The following DTL variants were observed in gnomAD, a reference collection of about 807,000 sequenced individuals.
DTL encodes denticleless protein homolog.
A neutral mutation model predicts 87.0 loss-of-function variants in DTL; 46 were observed. The ratio of observed to expected loss-of-function variants is 0.53; its 90% CI spans 0.42 to 0.68. The LOEUF (loss-of-function observed/expected upper bound fraction) is 0.68, where lower values mean the gene tolerates loss of function less well. Ranked by LOEUF, DTL falls within the 30% of genes least tolerant of loss-of-function variation. DTL has a pLI of 0.00. For synonymous variants in DTL, 308 were observed against 311.2 expected, an observed-to-expected ratio of 0.99 and a Z score of 0.11; for missense variants, 737 against 869.4, an observed-to-expected ratio of 0.85 and a Z score of 1.91.
intron 13 of DTL, among the ~76,000 whole-genome samples, chr1:212,097,670 TG>T (rs1185148199): frequency 6.6e-6 from 1 of 152,250 alleles, no homozygotes; most frequent in Non-Finnish European, 1.5e-5. Context: ...CATCTTTCTC[TG>T]GTGCTTCCTT....
Position 212,068,224 on chromosome 1 carries a change from G to C in DTL, c.714G>C (p.Gly238=). 6.3e-7 allele frequency: 1 copy of C among 1,593,544 alleles called. No individual in the cohort carries two copies. Among genetic ancestry groups the C allele is most frequent in the African/African-American group, 1.4e-5 (1 of 73,978 alleles). Residue 238 remains glycine (G), a splice_region_variant and synonymous_variant, in exon 9 of 15, where the codon GGG becomes GGC. Coordinates refer to ENST00000366991, the MANE Select transcript of DTL (RefSeq NM_016448.4). ...AATATTTATTTGCCTTGGTTTTTAG[G>C]ATAATCAAAGTATGGGATTTACGTA... is the stretch of plus-strand genomic sequence containing the variant. ...NTLVSAGAVD[G]IIKVWDLRKN... is the part of the protein sequence containing the mutation.
At chr1:212,074,137 T>A (rs563493881) in intron 11 of DTL, among the ~76,000 whole-genome samples, 4 of 151,826 alleles carry the variant, frequency 2.6e-5, no homozygotes, top group South Asian at 4.1e-4. Context: ...TGTTAAATTA[T>A]TAAGTTTTAA....
intron 13 of DTL, among the ~76,000 whole-genome samples, chr1:212,088,745 A>G (rs1207756071): frequency 2.0e-5 from 3 of 152,238 alleles, no homozygotes; most frequent in Admixed American, 2.0e-4. Flanking sequence ...ATAGCAAAGT[A>G]CATGATAAGA....
At position 212,101,012 on chromosome 1, in the gene DTL, T is replaced by C. The variant is rs139446713; in HGVS notation, c.2022T>C (p.Asn674=). The C allele has an allele frequency of 3.1e-6, 5 of 1,613,898 alleles. No homozygotes were observed. In the African/African-American group the frequency reaches 6.7e-5, roughly 22 times the overall value. Residue 674 remains asparagine, a synonymous_variant, in exon 14 of 15, where the codon AAT becomes AAC. Coordinates refer to ENST00000366991, the MANE Select transcript of DTL (RefSeq NM_016448.4). The part of the protein sequence containing the change: ...LAMAAKRKAE[N]PSPRSPSSQT... Reference sequence around the variant, plus strand: ...TGGCAGCCAAACGGAAGGCTGAGAATCCATCTCCACGAAGTCCGTCATCCC... The same window carrying C: ...TGGCAGCCAAACGGAAGGCTGAGAACCCATCTCCACGAAGTCCGTCATCCC...
chr1:212,078,463 G>C (rs185337908), intron 12 of DTL, among the ~76,000 whole-genome samples: 46 of 152,168 alleles, frequency 3.0e-4, no homozygotes, highest in African/African-American at 8.7e-4. Context: ...ATTATGCCCT[G>C]TGAAATAAGG....
chr1:212,079,042 C>A (rs955987546), intron 12 of DTL, among the ~76,000 whole-genome samples: 1 of 152,022 alleles, frequency 6.6e-6, no homozygotes, highest in Admixed American at 6.6e-5. Flanking sequence ...TTTTTATCTT[C>A]CAGAAACTTC....
intron 10 of DTL, among the ~76,000 whole-genome samples, chr1:212,070,665 ATTAC>A (rs1214386217): frequency 6.6e-6 from 1 of 150,984 alleles, no homozygotes; most frequent in Non-Finnish European, 1.5e-5. Context: ...ACGTCTTGTA[ATTAC>A]TTGTCCTTTT....
At position 212,072,111 on chromosome 1, in the gene DTL, C is replaced by T. The variant is rs370526029; in HGVS notation, c.933C>T (p.Phe311=). 3 of 1,613,718 alleles carry T rather than the reference C, an allele frequency of 1.9e-6. No individual in the cohort carries two copies. In the South Asian group the frequency reaches 3.3e-5, roughly 18 times the overall value. The change falls in exon 11 of 15, where the codon TTC becomes TTT. Residue 311 remains phenylalanine (F), a synonymous_variant. Coordinates refer to ENST00000366991, the MANE Select transcript of DTL (RefSeq NM_016448.4). ...TGLKTSPVAI[F]NGHQNSTFYV... ...TTTTTCCTCTGGCAGTGGCTATTTTCAATGGACACCAGAACTCTACCTTTT... is the reference window on the plus strand; with the variant it reads ...TTTTTCCTCTGGCAGTGGCTATTTTTAATGGACACCAGAACTCTACCTTTT...
chr1:212,077,565 C>T (rs1250094237), intron 11 of DTL: 1 of 153,022 alleles, frequency 6.5e-6, no homozygotes, highest in East Asian at 1.9e-4. Context: ...TGAAGGTTAT[C>T]CAACTCAAAA....
At chr1:212,052,643 C>CA (rs58890704) in intron 5 of DTL, among the ~76,000 whole-genome samples, 18,743 of 115,506 alleles carry the variant, frequency 0.16, 1,584 homozygotes, top group African/African-American at 0.23. Context: ...GACTCTGCCT[C>CA]AAAAAAAAAA....
chr1:212,079,055 A>G (rs115123424), intron 12 of DTL, among the ~76,000 whole-genome samples: 1,638 of 152,048 alleles, frequency 0.011, 30 homozygotes, highest in African/African-American at 0.037. Flanking sequence ...GAAACTTCTC[A>G]TGGTCTGGTC....
At chr1:212,075,863 A>G (rs1284276747) in intron 11 of DTL, among the ~76,000 whole-genome samples, 1 of 152,176 alleles carries the variant, frequency 6.6e-6, no homozygotes, top group East Asian at 1.9e-4. Flanking sequence ...GTGTCCTTTA[A>G]CAGTCACTCT....
chr1:212,100,629 T>G lies in DTL; in HGVS notation c.1639T>G (p.Ser547Ala), dbSNP rs756705493. The G allele has an allele frequency of 4.3e-6, 7 of 1,613,638 alleles. No individual in the cohort carries two copies. The African/African-American group carries it at 9.4e-5, about 22-fold the overall frequency. The change falls in exon 14 of 15, where the codon TCT becomes GCT. Residue 547 changes from serine (S) to alanine (A), a missense_variant. By Grantham distance (99) the Ser-to-Ala change is moderately conservative. Transcript: ENST00000366991. The stretch of plus-strand genomic sequence containing the variant: ...ATCCCAAGCAGAGGCTTGCTCTGAG[T>G]CTAGAAATAGAGTAAAGAGGAGGCT... ...KSSQAEACSE[S>A]RNRVKRRLDS...
intron 13 of DTL, among the ~76,000 whole-genome samples, chr1:212,092,735 C>G (rs895553909): frequency 1.2e-4 from 18 of 152,156 alleles, no homozygotes; most frequent in African/African-American, 4.3e-4. Flanking sequence ...CATGCATGGG[C>G]AAGTGTTTTT....
chr1:212,089,613 T>C (rs1020009917), intron 13 of DTL, among the ~76,000 whole-genome samples: 1 of 152,234 alleles, frequency 6.6e-6, no homozygotes, highest in Non-Finnish European at 1.5e-5. Flanking sequence ...TGTTATAATG[T>C]AGTTACTGTT....
In DTL at chr1:212,065,015, C is replaced by A; in HGVS notation, c.625C>A (p.Leu209Ile). The A allele has an allele frequency of 6.2e-7, 1 of 1,612,542 alleles. No individual in the cohort carries two copies. The highest frequency in any genetic ancestry group is 8.5e-7 in the Non-Finnish European group (1 of 1,178,586). ...CAAGAAGAAACAGAATTCAAAAGGACTTGCTCCTTCTGTGGTAAGGTTTTA... is the reference window on the plus strand; with the variant it reads ...CAAGAAGAAACAGAATTCAAAAGGAATTGCTCCTTCTGTGGTAAGGTTTTA... ...KPKKKQNSKGLAPSVDFQQSV... is the reference protein window; with the variant it reads ...KPKKKQNSKGIAPSVDFQQSV... The change falls in exon 7 of 15, where the codon CTT becomes ATT. Residue 209 changes from leucine to isoleucine, a missense_variant. Leu to Ile is a conservative substitution (Grantham distance 5). Coordinates refer to ENST00000366991, the MANE Select transcript of DTL (RefSeq NM_016448.4).
Position 212,102,894 on chromosome 1 carries a change from A to G in DTL, c.2147A>G (p.Lys716Arg). ...MRKICTYFHRKSQEDFCGPEH... is the reference protein window; with the variant it reads ...MRKICTYFHRRSQEDFCGPEH... ...AAAATCTGCACATACTTCCATAGAAAGTCCCAGGAGGACTTCTGTGGTCCT... is the reference window on the plus strand; with the variant it reads ...AAAATCTGCACATACTTCCATAGAAGGTCCCAGGAGGACTTCTGTGGTCCT... The change falls in exon 15 of 15, where the codon AAG becomes AGG. Residue 716 changes from lysine to arginine, a missense_variant. Transcript: ENST00000366991. 1 of 1,612,920 alleles carries G rather than the reference A, an allele frequency of 6.2e-7. No individual in the cohort carries two copies. The highest frequency in any genetic ancestry group is 8.5e-7 in the Non-Finnish European group (1 of 1,179,090).
intron 8 of DTL, among the ~76,000 whole-genome samples, chr1:212,067,198 A>C (rs1335052433): frequency 6.6e-6 from 1 of 152,220 alleles, no homozygotes; most frequent in Non-Finnish European, 1.5e-5. Context: ...AATATAATTT[A>C]GTCACTAATT....
intron 10 of DTL, 123 bp downstream of exon 10, chr1:212,068,826 T>C: frequency 1.7e-6 from 1 of 577,320 alleles, no homozygotes; most frequent in Non-Finnish European, 3.0e-6. Context: ...CTTTGGCATC[T>C]TTGATTACAT....
Sources: gnomAD v4.1 joint callset for allele counts (sites outside exome capture counted in the v4.1 genomes callset) on GRCh38, gnomAD v4.1.1 for gene constraint, MANE v1.5 for transcripts, NCBI Gene and HGNC (gene_info 2026-07-23, HGNC 2026-07-21) for gene names.